The following ANTXR2 variants were observed in gnomAD, a reference collection of about 807,000 sequenced individuals.
The protein encoded by ANTXR2 is ANTXR cell adhesion molecule 2, also known as anthrax toxin receptor 2.
Under a neutral mutation model 73.7 loss-of-function variants are expected in ANTXR2, and 44 were observed. The ratio of observed to expected loss-of-function variants is 0.60; its 90% CI spans 0.47 to 0.77. The LOEUF (loss-of-function observed/expected upper bound fraction) is 0.77. ANTXR2 is among the 30% of genes least tolerant of loss of function. The pLI, the probability that ANTXR2 is intolerant of heterozygous loss-of-function variation, is 0.00. For synonymous variants in ANTXR2, 217 were observed against 205.9 expected, an observed-to-expected ratio of 1.05 and a Z score of -0.46; for missense variants, 604 against 592.5, an observed-to-expected ratio of 1.02 and a Z score of -0.20.
chr4:80,008,463 C>T, intron 12 of ANTXR2, 58 bp downstream of exon 12: 2 of 1,366,704 alleles, frequency 1.5e-6, no homozygotes, highest in African/African-American at 1.5e-5. Context: ...ATATTTCAGA[C>T]CTTACTTTAC....
chr4:80,032,739 A>T (rs879811124), intron 9 of ANTXR2, among the ~76,000 whole-genome samples: 1 of 151,886 alleles, frequency 6.6e-6, no homozygotes, highest in Non-Finnish European at 1.5e-5. Flanking sequence ...AAGGAAAAAC[A>T]TTTATATAGA....
At chr4:80,037,590 A>C (rs1170495021) in intron 7 of ANTXR2, among the ~76,000 whole-genome samples, 1 of 152,068 alleles carries the variant, frequency 6.6e-6, no homozygotes, top group Non-Finnish European at 1.5e-5. Context: ...CTGCACCCAA[A>C]TACCTCCTCT....
intron 10 of ANTXR2, among the ~76,000 whole-genome samples, chr4:80,024,403 C>A (rs1164617418): frequency 1.3e-5 from 2 of 152,128 alleles, no homozygotes; most frequent in African/African-American, 4.8e-5. Flanking sequence ...TGGAGCTCAT[C>A]AGGAAGAAAA....
intron 7 of ANTXR2, among the ~76,000 whole-genome samples, chr4:80,039,630 A>C (rs541655374): frequency 6.6e-6 from 1 of 152,232 alleles, no homozygotes; most frequent in African/African-American, 2.4e-5. Context: ...AAAGTCGAAA[A>C]CCAACAAATG....
At chr4:80,006,906 A>T (rs186147084) in intron 12 of ANTXR2, among the ~76,000 whole-genome samples, 5 of 152,174 alleles carry the variant, frequency 3.3e-5, no homozygotes, top group African/African-American at 4.8e-5. Flanking sequence ...AAAACCAAGG[A>T]GCACAAATTA....
rs1726763481 is a variant in ANTXR2 at position 79,902,915 on chromosome 4, T to C, written c.*4514A>G. ...CCTGTAATCACAGCATTTGGGAGAC[T>C]GAGGCAGGAGGATCACTTGAGGCCA... On this transcript the variant is annotated 3_prime_UTR_variant, in exon 17 of 17. Transcript: ENST00000403729. 1 of 152,038 alleles carries C rather than the reference T, an allele frequency of 6.6e-6. No homozygotes were observed. Among genetic ancestry groups the C allele is most frequent in the Admixed American group, 6.6e-5 (1 of 15,232 alleles). 9.4% of individuals were successfully genotyped at this position (152,038 alleles called of 1,614,324 possible).
At chr4:80,022,321 T>C (rs1401254131) in intron 10 of ANTXR2, among the ~76,000 whole-genome samples, 1 of 152,230 alleles carries the variant, frequency 6.6e-6, no homozygotes, top group African/African-American at 2.4e-5. Context: ...ATGTATTCTG[T>C]GAAAATTTTT....
chr4:80,001,169 ATTTTT>A (rs34952425), intron 12 of ANTXR2, among the ~76,000 whole-genome samples: 1 of 151,636 alleles, frequency 6.6e-6, no homozygotes, highest in African/African-American at 2.4e-5. Flanking sequence ...ACCATTGCAA[ATTTTT>A]TTTTATTATA....
In ANTXR2 at chr4:79,949,886, AC is replaced by A. The variant is rs1440273870; in HGVS notation, c.1428+27734del. On this transcript the variant is annotated intron_variant, in intron 16 of 16. Transcript: ENST00000403729. ...ATTCTTGCAAATGTTTGCTGCAAAT[AC>A]ATCAGTTTACAAATACTATAGTTTA... 2.0e-5 allele frequency among the ~76,000 whole-genome samples: 3 copies of A among 152,296 alleles called. No individual in the cohort carries two copies. In the East Asian group the frequency reaches 5.8e-4, roughly 29 times the overall value.
chr4:79,975,799 G>GTGGTT (rs1560924904), intron 16 of ANTXR2, among the ~76,000 whole-genome samples: 1 of 152,114 alleles, frequency 6.6e-6, no homozygotes, highest in Non-Finnish European at 1.5e-5. Context: ...ACAGTGATTG[G>GTGGTT]ATCATGACAG....
At chr4:80,030,790 T>C (rs1442285930) in intron 10 of ANTXR2, among the ~76,000 whole-genome samples, 2 of 152,184 alleles carry the variant, frequency 1.3e-5, no homozygotes, top group East Asian at 1.9e-4. Flanking sequence ...AGATTTTGGA[T>C]TGTGGCCTTG....
rs1734827438 is a variant in ANTXR2, at chr4:80,072,258, C to T, written c.152+151G>A. The T allele has an allele frequency of 6.9e-6, 6 of 866,492 alleles. No homozygotes were observed. In the East Asian group the frequency reaches 1.6e-4, roughly 23 times the overall value. 53.7% of individuals were successfully genotyped at this position (866,492 alleles called of 1,614,324 possible). A position where few individuals can be genotyped will look rare whatever the true frequency, so the allele number is the denominator to read the frequency against. ...ATCTCCGCCCACACAGATCCGAACG[C>T]GCTTGCCCTTTGAAAGAAGACAGCA... On this transcript the variant is annotated intron_variant, in intron 1 of 16. Coordinates refer to ENST00000403729, the MANE Select transcript of ANTXR2 (RefSeq NM_058172.6).
At chr4:80,070,210 A>G (rs1578201531) in intron 2 of ANTXR2, among the ~76,000 whole-genome samples, 1 of 152,358 alleles carries the variant, frequency 6.6e-6, no homozygotes, top group South Asian at 2.1e-4. Flanking sequence ...GAAAATCAGA[A>G]TCCTCTCAAA....
At chr4:80,067,828 C>T (rs115515560) in intron 3 of ANTXR2, among the ~76,000 whole-genome samples, 253 of 152,256 alleles carry the variant, frequency 1.7e-3, no homozygotes, top group Non-Finnish European at 2.6e-3. Context: ...AGGGGAACAA[C>T]GCACACTGGG....
intron 7 of ANTXR2, among the ~76,000 whole-genome samples, chr4:80,036,368 T>C (rs1032190736): frequency 6.6e-6 from 1 of 152,124 alleles, no homozygotes; most frequent in East Asian, 1.9e-4. Context: ...ATGTTGACTT[T>C]CCCAATCAAG....
Position 79,924,508 on chromosome 4 carries a change from T to A in ANTXR2, c.1429-17041A>T, listed in dbSNP as rs116451925. Among the ~76,000 whole-genome samples, 406 of 152,044 alleles carry A rather than the reference T, an allele frequency of 2.7e-3. 1 individual carries two copies. The highest frequency in any genetic ancestry group is 9.1e-3 in the African/African-American group (378 of 41,492). On this transcript the variant is annotated intron_variant, in intron 16 of 16. Transcript: ENST00000403729. ...CCTGTGTCTAAAATAAATAAATAAA[T>A]AGAAATGAAACATAACTGGATAAAC...
At chr4:79,985,367 A>T (rs1406130271) in intron 12 of ANTXR2, among the ~76,000 whole-genome samples, 5 of 151,886 alleles carry the variant, frequency 3.3e-5, no homozygotes, top group Non-Finnish European at 7.4e-5. Flanking sequence ...AAAGAAAAAG[A>T]AAAAGAAAGA....
At chr4:79,930,133 T>C (rs151324159) in intron 16 of ANTXR2, among the ~76,000 whole-genome samples, 59 of 152,316 alleles carry the variant, frequency 3.9e-4, no homozygotes, top group African/African-American at 1.4e-3. Flanking sequence ...ATGTCTTGGA[T>C]ACTTGTATAG....
At chr4:80,059,362 G>T (rs542632488) in intron 3 of ANTXR2, among the ~76,000 whole-genome samples, 2 of 151,396 alleles carry the variant, frequency 1.3e-5, no homozygotes, top group South Asian at 4.2e-4. Context: ...TCATTTAGAG[G>T]CTTCATATAT....
Sources: allele counts gnomAD v4.1 joint callset (sites outside exome capture counted in the v4.1 genomes callset), GRCh38; gene constraint gnomAD v4.1.1; transcripts MANE v1.5; gene names NCBI Gene and HGNC (gene_info 2026-07-23, HGNC 2026-07-21).